Variants in GFM2 observed in about 807,000 individuals in gnomAD.
GFM2 encodes ribosome-releasing factor 2, mitochondrial.
In GFM2, 72 loss-of-function variants were observed where a neutral mutation model predicts 95.4. The observed-to-expected ratio is 0.76, with a 90% CI of 0.62 to 0.92. GFM2 has a LOEUF of 0.92. GFM2 is among the 40% of genes least tolerant of loss of function. The pLI, the probability that GFM2 is intolerant of heterozygous loss-of-function variation, is 0.00. For missense variants in GFM2, 825 were observed against 924.1 expected (o/e 0.89, Z 1.39); for synonymous variants, 276 against 317.5 (o/e 0.87, Z 1.39).
intron 5 of GFM2, among the ~76,000 whole-genome samples, chr5:74,751,871 G>A (rs920280851): frequency 1.3e-5 from 2 of 152,056 alleles, no homozygotes; most frequent in Non-Finnish European, 2.9e-5. Flanking sequence ...GACAGACATA[G>A]CTTTAAATCC....
At chr5:74,732,487 G>A (rs894589893) in intron 16 of GFM2, among the ~76,000 whole-genome samples, 57 of 150,016 alleles carry the variant, frequency 3.8e-4, no homozygotes, top group African/African-American at 1.4e-3. Context: ...AAAAGAGGAT[G>A]CAGAATGTAA....
chr5:74,750,817 T>C (rs1743662259), intron 6 of GFM2, 150 bp from the exon 7 acceptor site: 2 of 611,030 alleles, frequency 3.3e-6, no homozygotes. Flanking sequence ...CAGAGCTATT[T>C]GCACACCCTC....
chr5:74,722,482 G>A lies in GFM2; in HGVS notation c.2108C>T (p.Pro703Leu). 1 of 1,613,976 alleles carries A rather than the reference G, an allele frequency of 6.2e-7. No individual in the cohort carries two copies. ...TCTTTGTGCCAGATCTGCCAGGACA[G>A]GGCTGAGATAATCTCTAGCTACTGT... is the stretch of plus-strand genomic sequence containing the variant. The part of the protein sequence containing the change: ...EVTVARDYLS[P>L]VLADLAQRRG... Residue 703 changes from proline to leucine, a missense_variant, in exon 20 of 21, where the codon CCT (proline) becomes CTT (leucine). Coordinates refer to ENST00000296805, the MANE Select transcript of GFM2 (RefSeq NM_032380.5).
intron 5 of GFM2, among the ~76,000 whole-genome samples, chr5:74,755,678 G>A (rs1743942787): frequency 6.6e-6 from 1 of 152,100 alleles, no homozygotes; most frequent in Non-Finnish European, 1.5e-5. Flanking sequence ...AAACCAGGAA[G>A]AAACAGAAAC....
intron 17 of GFM2, 89 bp from the exon 18 acceptor site, chr5:74,726,215 C>T (rs946412135): frequency 4.9e-5 from 41 of 842,232 alleles, no homozygotes; most frequent in Non-Finnish European, 7.7e-5. Context: ...TCAACAAGCT[C>T]AGGGTCTCAT....
intron 16 of GFM2, among the ~76,000 whole-genome samples, chr5:74,731,806 G>A (rs1202616349): frequency 6.6e-6 from 1 of 152,128 alleles, no homozygotes; most frequent in African/African-American, 2.4e-5. Flanking sequence ...TGGGTAAAAA[G>A]TGTGAAAGGC....
chr5:74,741,741 A>G (rs1405983197), intron 10 of GFM2, 132 bp from the exon 11 acceptor site: 10 of 510,486 alleles, frequency 2.0e-5, no homozygotes, highest in Non-Finnish European at 3.5e-5. Flanking sequence ...GCAACTCTTC[A>G]CTTCTTCTAA....
chr5:74,750,464 ATTT>A, intron 7 of GFM2, 112 bp downstream of exon 7: 1 of 610,810 alleles, frequency 1.6e-6, no homozygotes, highest in Non-Finnish European at 2.9e-6. Flanking sequence ...TTTTACCATT[ATTT>A]GATTTATGTG....
At position 74,721,375 on chromosome 5, in the gene GFM2, T is replaced by TA; in HGVS notation, c.*279_*280insT. On this transcript the variant is annotated 3_prime_UTR_variant, in exon 21 of 21. Coordinates refer to ENST00000296805, the MANE Select transcript of GFM2 (RefSeq NM_032380.5). ...AGGACACAAAAGAAACACAACTTTG[T>TA]GATACCACTCTTCTGAAGGCTACTT... is the stretch of plus-strand genomic sequence containing the variant. 4.1e-6 allele frequency: 3 copies of TA among 728,592 alleles called. No individual in the cohort carries two copies. Among genetic ancestry groups the TA allele is most frequent in the Non-Finnish European group, 7.5e-6 (3 of 401,488 alleles). The allele number at this position is 728,592 out of a possible 1,614,324, so 45.1% of individuals were successfully genotyped here.
intron 16 of GFM2, 143 bp from the exon 17 acceptor site, chr5:74,730,541 C>T (rs1166912019): frequency 2.4e-5 from 12 of 499,278 alleles, no homozygotes; most frequent in African/African-American, 2.0e-5. Flanking sequence ...GGGGCTTTTA[C>T]ATCAAAACAT....
intron 19 of GFM2, among the ~76,000 whole-genome samples, chr5:74,724,026 C>A (rs1750037220): frequency 6.6e-6 from 1 of 152,044 alleles, no homozygotes; most frequent in Non-Finnish European, 1.5e-5. Context: ...CACTTACAAG[C>A]AGAGAGAAGG....
At chr5:74,757,203 G>A (rs1744030621) in intron 5 of GFM2, among the ~76,000 whole-genome samples, 2 of 152,074 alleles carry the variant, frequency 1.3e-5, no homozygotes. Flanking sequence ...GGCAATCACA[G>A]AGCAAATGTG....
At chr5:74,749,253 G>A (rs552464528) in intron 7 of GFM2, among the ~76,000 whole-genome samples, 12 of 152,024 alleles carry the variant, frequency 7.9e-5, no homozygotes, top group African/African-American at 2.7e-4. Flanking sequence ...GGGCTCAAGC[G>A]AACCCACCTG....
chr5:74,745,772 T>A lies in GFM2; in HGVS notation c.755A>T (p.Asp252Val). Residue 252 changes from aspartate (D) to valine (V), a missense_variant, in exon 10 of 21, where the codon GAT (aspartate) becomes GTT (valine). Physicochemically the swap from Asp to Val is radical, Grantham distance 152. Coordinates refer to ENST00000296805, the MANE Select transcript of GFM2 (RefSeq NM_032380.5). Reference sequence around the variant, plus strand: ...GGGCTTTCTCTCAAAGTCTTTTCCATCATTTGAATTGCAATTCCAAAGAAG... The same window carrying A: ...GGGCTTTCTCTCAAAGTCTTTTCCAACATTTGAATTGCAATTCCAAAGAAG... ...EKLLWNCNSN[D>V]GKDFERKPLL... 1 of 1,613,666 alleles carries A rather than the reference T, an allele frequency of 6.2e-7. No individual in the cohort carries two copies. The highest frequency in any genetic ancestry group is 8.5e-7 in the Non-Finnish European group (1 of 1,179,740).
chr5:74,738,887 A>G (rs1049226490), intron 12 of GFM2, among the ~76,000 whole-genome samples: 3 of 152,136 alleles, frequency 2.0e-5, no homozygotes, highest in Non-Finnish European at 4.4e-5. Context: ...TTTGTGAATA[A>G]TTTCATTGCC....
chr5:74,752,138 T>G (rs6898684), intron 5 of GFM2, among the ~76,000 whole-genome samples: 24,354 of 152,160 alleles, frequency 0.16, 2,370 homozygotes, highest in African/African-American at 0.27. Context: ...GATTTAGTTG[T>G]ACAAGTGCAA....
intron 17 of GFM2, among the ~76,000 whole-genome samples, chr5:74,729,873 G>T (rs1750331968): frequency 6.6e-6 from 1 of 152,014 alleles, no homozygotes; most frequent in Non-Finnish European, 1.5e-5. Context: ...TATCAGCATA[G>T]AATAATCATA....
intron 17 of GFM2, among the ~76,000 whole-genome samples, chr5:74,729,039 A>C (rs1172359850): frequency 6.6e-6 from 1 of 152,102 alleles, no homozygotes. Context: ...GGCGTGAGCC[A>C]CCAGACCTGG....
intron 5 of GFM2, among the ~76,000 whole-genome samples, 163 bp from the exon 6 acceptor site, chr5:74,751,656 GAA>G (rs1195627642): frequency 6.6e-6 from 1 of 152,142 alleles, no homozygotes; most frequent in Non-Finnish European, 1.5e-5. Context: ...CCTCATGGTA[GAA>G]AAAGTTTTTC....
Sources: gnomAD v4.1 joint callset for allele counts (sites outside exome capture counted in the v4.1 genomes callset) on GRCh38, gnomAD v4.1.1 for gene constraint, MANE v1.5 for transcripts, NCBI Gene and HGNC (gene_info 2026-07-23, HGNC 2026-07-21) for gene names.